The following ROBO2 variants were observed in gnomAD, a reference collection of about 807,000 sequenced individuals.
The protein encoded by ROBO2 is roundabout guidance receptor 2.
Under a neutral mutation model 160.8 loss-of-function variants are expected in ROBO2, and 53 were observed. The observed-to-expected ratio is 0.33, with a 90% CI of 0.26 to 0.41. The LOEUF (loss-of-function observed/expected upper bound fraction) is 0.41. ROBO2 is among the 10% of genes least tolerant of loss of function. The pLI, the probability that ROBO2 is intolerant of heterozygous loss-of-function variation, is 1.00. For missense variants in ROBO2, 1,577 were observed against 1,722.4 expected (o/e 0.92, Z 1.49); for synonymous variants, 664 against 611.7 (o/e 1.09, Z -1.26).
At chr3:77,569,934 T>G (rs1382343692) in intron 13 of ROBO2, among the ~76,000 whole-genome samples, 1 of 151,966 alleles carries the variant, frequency 6.6e-6, no homozygotes, top group Non-Finnish European at 1.5e-5. Flanking sequence ...TTTGCATAGA[T>G]TTATTCTATT....
chr3:77,126,268 A>G (rs898023279), intron 2 of ROBO2, among the ~76,000 whole-genome samples: 1 of 152,206 alleles, frequency 6.6e-6, no homozygotes, highest in African/African-American at 2.4e-5. Flanking sequence ...GTATTCAAAG[A>G]TGATTTAAAA....
chr3:76,283,925 C>G (rs1456448604), intron 2 of ROBO2, among the ~76,000 whole-genome samples: 1 of 151,942 alleles, frequency 6.6e-6, no homozygotes, highest in Non-Finnish European at 1.5e-5. Flanking sequence ...TAGGATCGTT[C>G]TTCTGAGCAA....
In ROBO2 at chr3:76,141,819, T is replaced by C. The variant is rs1447208510; in HGVS notation, c.109+204217T>C. Among the ~76,000 whole-genome samples the C allele has an allele frequency of 2.6e-5, 4 of 152,116 alleles. No individual in the cohort carries two copies. The East Asian group carries it at 7.8e-4, about 30-fold the overall frequency. On this transcript the variant is annotated intron_variant, in intron 2 of 26. Transcript: ENST00000487694. ...ACTAAATCAAAGAGGTCAATGTTAATTATGCTTGTTAAAATGTAAGCTCCA... is the reference window on the plus strand; with the variant it reads ...ACTAAATCAAAGAGGTCAATGTTAACTATGCTTGTTAAAATGTAAGCTCCA...
chr3:76,647,557 C>T (rs1578858504), intron 2 of ROBO2, among the ~76,000 whole-genome samples: 1 of 152,130 alleles, frequency 6.6e-6, no homozygotes, highest in Admixed American at 6.5e-5. Flanking sequence ...TCCCAAAATA[C>T]CTTCTCAATT....
At chr3:76,532,119 A>G (rs2082263720) in intron 2 of ROBO2, among the ~76,000 whole-genome samples, 1 of 152,300 alleles carries the variant, frequency 6.6e-6, no homozygotes, top group Admixed American at 6.5e-5. Flanking sequence ...AGAGTGTCCT[A>G]TTCCACAACC....
At chr3:75,928,747 A>G (rs1395079092) in intron 1 of ROBO2, among the ~76,000 whole-genome samples, 6 of 152,082 alleles carry the variant, frequency 3.9e-5, no homozygotes, top group Non-Finnish European at 7.4e-5. Flanking sequence ...ACCTTCAAAC[A>G]TGAGATCTGC....
intron 2 of ROBO2, among the ~76,000 whole-genome samples, chr3:76,279,437 C>T (rs1163384317): frequency 1.3e-5 from 2 of 151,786 alleles, no homozygotes; most frequent in Non-Finnish European, 2.9e-5. Context: ...TTGTCTTTGG[C>T]ATTGAATATT....
chr3:76,648,242 A>C (rs1030079005), intron 2 of ROBO2, among the ~76,000 whole-genome samples: 1 of 152,172 alleles, frequency 6.6e-6, no homozygotes, highest in Non-Finnish European at 1.5e-5. Flanking sequence ...CTGAAGCATT[A>C]AAAATAAATC....
At chr3:76,239,109 G>T (rs1374370052) in intron 2 of ROBO2, among the ~76,000 whole-genome samples, 1 of 152,064 alleles carries the variant, frequency 6.6e-6, no homozygotes, top group Non-Finnish European at 1.5e-5. Context: ...TGATTTCAGT[G>T]CTCACTAAAT....
At chr3:76,318,926 G>T (rs547761147) in intron 2 of ROBO2, among the ~76,000 whole-genome samples, 2 of 152,124 alleles carry the variant, frequency 1.3e-5, no homozygotes, top group Non-Finnish European at 2.9e-5. Flanking sequence ...TGAAGATTAT[G>T]TGAATCAGAT....
At chr3:76,422,502 A>G (rs1290623791) in intron 2 of ROBO2, among the ~76,000 whole-genome samples, 1 of 152,198 alleles carries the variant, frequency 6.6e-6, no homozygotes, top group Non-Finnish European at 1.5e-5. Flanking sequence ...ATTAAAAACT[A>G]CTTGCGTGTT....
chr3:77,066,168 A>G (rs2066819437), intron 1 of ROBO2, among the ~76,000 whole-genome samples: 1 of 152,104 alleles, frequency 6.6e-6, no homozygotes. Context: ...GGGTGTGATT[A>G]TGGGAAATCG....
intron 2 of ROBO2, among the ~76,000 whole-genome samples, chr3:76,496,205 C>T (rs974560894): frequency 4.9e-4 from 69 of 142,108 alleles, no homozygotes; most frequent in Non-Finnish European, 7.6e-4. Flanking sequence ...TTCATCTTCA[C>T]GTGACAAATA....
chr3:77,217,313 T>C (rs1181531610), intron 2 of ROBO2, among the ~76,000 whole-genome samples: 8 of 152,096 alleles, frequency 5.3e-5, no homozygotes, highest in Non-Finnish European at 1.0e-4. Context: ...TGGCTACTTT[T>C]TGTATTTTTA....
At chr3:76,828,038 C>G (rs1280099928) in intron 2 of ROBO2, among the ~76,000 whole-genome samples, 1 of 152,068 alleles carries the variant, frequency 6.6e-6, no homozygotes. Context: ...TTTTGTTTAT[C>G]CCCACTACAG....
chr3:75,944,404 C>T (rs572886494), intron 2 of ROBO2, among the ~76,000 whole-genome samples: 2 of 152,236 alleles, frequency 1.3e-5, no homozygotes, highest in South Asian at 2.1e-4. Context: ...CCAACATCTA[C>T]CTCAGCCTAA....
At chr3:76,588,550 A>T (rs1452551425) in intron 2 of ROBO2, among the ~76,000 whole-genome samples, 2 of 152,212 alleles carry the variant, frequency 1.3e-5, no homozygotes, top group South Asian at 2.1e-4. Flanking sequence ...TTAACAAGAA[A>T]TGGCTTAATA....
chr3:77,050,269 CAGCATTTCACCTTCCTCATCTTA>C (rs1319942292), intron 1 of ROBO2, among the ~76,000 whole-genome samples: 100 of 152,058 alleles, frequency 6.6e-4, no homozygotes, highest in African/African-American at 2.4e-3. Flanking sequence ...AAATCAGAGA[CAGCATTTCACCTTCCTCATCTTA>C]AGCATTTCAC....
chr3:76,862,067 G>A (rs892317902), intron 2 of ROBO2, among the ~76,000 whole-genome samples: 19 of 151,872 alleles, frequency 1.3e-4, no homozygotes, highest in African/African-American at 4.4e-4. Flanking sequence ...TCAAAGGAAC[G>A]GTGGAAGGAA....
Sources: allele counts gnomAD v4.1 joint callset (sites outside exome capture counted in the v4.1 genomes callset), GRCh38; gene constraint gnomAD v4.1.1; transcripts MANE v1.5; gene names NCBI Gene and HGNC (gene_info 2026-07-23, HGNC 2026-07-21).